ADGRG3: variants seen among roughly 807,000 people sequenced by gnomAD.
ADGRG3 encodes G protein-coupled receptor 97.
ADGRG3 carries 39 observed loss-of-function variants against 54.3 expected under a neutral mutation model. The ratio of observed to expected loss-of-function variants is 0.72; its 90% CI spans 0.56 to 0.94. The LOEUF is 0.94. ADGRG3 is among the 40% of genes least tolerant of loss of function. The pLI is 0.00. For synonymous variants in ADGRG3, 312 were observed against 290.0 expected, an observed-to-expected ratio of 1.08 and a Z score of -0.77; for missense variants, 654 against 694.6, an observed-to-expected ratio of 0.94 and a Z score of 0.66.
chr16:57,669,785 C>T (rs2048119823), intron 1 of ADGRG3, among the ~76,000 whole-genome samples: 1 of 152,230 alleles, frequency 6.6e-6, no homozygotes, highest in Non-Finnish European at 1.5e-5. Context: ...AAAAGGCTCA[C>T]AGTCTGCAGG....
intron 4 of ADGRG3, chr16:57,678,894 GC>G (rs560120035): frequency 6.6e-5 from 32 of 484,730 alleles, no homozygotes; most frequent in Non-Finnish European, 1.1e-4. Flanking sequence ...TTGGCCCCAT[GC>G]CCCCTCTAGT....
intron 1 of ADGRG3, among the ~76,000 whole-genome samples, chr16:57,669,450 C>T (rs1010212996): frequency 3.9e-5 from 6 of 152,166 alleles, no homozygotes; most frequent in South Asian, 4.1e-4. Context: ...GATGAATGAA[C>T]GGAGCCACCG....
At chr16:57,671,009 GA>G (rs1240820424) in intron 1 of ADGRG3, among the ~76,000 whole-genome samples, 1 of 152,106 alleles carries the variant, frequency 6.6e-6, no homozygotes, top group Non-Finnish European at 1.5e-5. Context: ...GTGGCAATCC[GA>G]AAAGTGACAA....
At chr16:57,673,491 A>C in intron 2 of ADGRG3, 23 bp downstream of exon 2, 32 of 1,586,014 alleles carry the variant, frequency 2.0e-5, no homozygotes, top group Non-Finnish European at 2.7e-5. Context: ...CCTGAGCTGG[A>C]GGGGGAATCT....
chr16:57,686,407 T>TGAGGATCCGCTCC (rs141011757), intron 11 of ADGRG3, among the ~76,000 whole-genome samples: 5,471 of 152,142 alleles, frequency 0.036, 338 homozygotes, highest in African/African-American at 0.12. Context: ...AAGCCATGCA[T>TGAGGATCCGCTCC]GAGGATCCGC....
rs1184753826 is a variant in ADGRG3, at chr16:57,678,156, G to A, written c.346-14G>A. 3 of 1,613,738 alleles carry A rather than the reference G, an allele frequency of 1.9e-6. No homozygotes were observed. Among genetic ancestry groups the A allele is most frequent in the Non-Finnish European group, 2.5e-6 (3 of 1,179,808 alleles). ...GGTGGGTACAGATGGGAGCTGCTGT[G>A]TCTGTGGTTGTAGGTTCCGAGGCAG... On this transcript the variant is annotated splice_polypyrimidine_tract_variant and intron_variant, in intron 3 of 11. Coordinates refer to ENST00000333493, the MANE Select transcript of ADGRG3 (RefSeq NM_170776.5).
chr16:57,681,586 C>T (rs779893432), intron 8 of ADGRG3, among the ~76,000 whole-genome samples: 5 of 151,866 alleles, frequency 3.3e-5, no homozygotes, highest in Admixed American at 6.6e-5. Context: ...GTTAGCTGGG[C>T]GTGGTGGTGC....
chr16:57,671,008 C>T (rs1225269872), intron 1 of ADGRG3, among the ~76,000 whole-genome samples: 4 of 152,048 alleles, frequency 2.6e-5, no homozygotes, highest in Non-Finnish European at 4.4e-5. Flanking sequence ...GGTGGCAATC[C>T]GAAAAGTGAC....
At position 57,676,259 on chromosome 16, in the gene ADGRG3, C is replaced by T. The variant is rs200726678; in HGVS notation, c.266C>T (p.Thr89Met). ...GAAGGTTTGACGCAGAAGGTGAACA[C>T]GCCTTTCCTGAAGGCTTTGGTCCAG... ...MKEGLTQKVNTPFLKALVQNL... is the reference protein window; with the variant it reads ...MKEGLTQKVNMPFLKALVQNL... The change falls in exon 3 of 12, where the codon ACG (threonine) becomes ATG (methionine). Residue 89 changes from threonine (T) to methionine (M), a missense_variant. Physicochemically the swap from Thr to Met is moderately conservative, Grantham distance 81. Transcript: ENST00000333493. 349 of 1,614,026 alleles carry T rather than the reference C, an allele frequency of 2.2e-4. 1 individual carries two copies. The highest frequency in any genetic ancestry group is 1.6e-4 in the Middle Eastern group (1 of 6,062).
chr16:57,679,820 T>A lies in ADGRG3; in HGVS notation c.632T>A (p.Met211Lys). The A allele has an allele frequency of 1.9e-6, 3 of 1,612,294 alleles. No individual in the cohort carries two copies. Among genetic ancestry groups the A allele is most frequent in the Non-Finnish European group, 1.7e-6 (2 of 1,178,704 alleles). ...ACTTCCACTCTTCGGTTTCAGAACA[T>A]GACCCTCACCTGTGTATTCTGGGAT... is the stretch of plus-strand genomic sequence containing the variant. ...VFSHQRPPPN[M>K]TLTCVFWDVT... is the part of the protein sequence containing the mutation. Residue 211 changes from methionine to lysine, a missense_variant, in exon 6 of 12, where the codon ATG (methionine) becomes AAG (lysine). By Grantham distance (95) the Met-to-Lys change is moderately conservative. Transcript: ENST00000333493.
In ADGRG3 at chr16:57,689,185, A is replaced by G. The variant is rs2048525322; in HGVS notation, c.*724A>G. 1 of 153,558 alleles carries G rather than the reference A, an allele frequency of 6.5e-6. No homozygotes were observed. The highest frequency in any genetic ancestry group is 1.4e-5 in the Non-Finnish European group (1 of 69,030). The allele number at this position is 153,558 out of a possible 1,614,324, so 9.5% of individuals were successfully genotyped here. On this transcript the variant is annotated 3_prime_UTR_variant, in exon 12 of 12. Transcript: ENST00000333493. ...TCATCGTAGAGGTAGAAAGCAAACA[A>G]TCTGGGGCTCAGCACACCTGGGGGT...
intron 11 of ADGRG3, 104 bp downstream of exon 11, chr16:57,686,030 G>A: frequency 8.6e-7 from 1 of 1,163,588 alleles, no homozygotes; most frequent in South Asian, 1.4e-5. Flanking sequence ...CTCTGTTCAG[G>A]CTAGCTGAAG....
chr16:57,668,186 C>A, upstream of ADGRG3: 1 of 629,788 alleles, frequency 1.6e-6, no homozygotes, highest in Non-Finnish European at 2.8e-6. Flanking sequence ...ACTCACCTTT[C>A]ACAACCCAAC....
chr16:57,669,204 A>T (rs2048107899), intron 1 of ADGRG3, among the ~76,000 whole-genome samples: 2 of 151,438 alleles, frequency 1.3e-5, no homozygotes, highest in African/African-American at 4.9e-5. Context: ...TTTGCTCCTG[A>T]CTCGGTGAGG....
intron 11 of ADGRG3, among the ~76,000 whole-genome samples, chr16:57,687,249 GC>G (rs1315067893): frequency 2.2e-5 from 3 of 135,528 alleles, no homozygotes; most frequent in African/African-American, 5.6e-5. Flanking sequence ...TATCTCACCA[GC>G]TTTTTTTTTT....
upstream of ADGRG3, among the ~76,000 whole-genome samples, chr16:57,667,725 G>A (rs1226024836): frequency 6.6e-6 from 1 of 152,178 alleles, no homozygotes; most frequent in Admixed American, 6.5e-5. Flanking sequence ...TATCCAGGCT[G>A]GTGGGGGAAG....
At chr16:57,667,868 A>G (rs761657448), upstream of ADGRG3, among the ~76,000 whole-genome samples, 6 of 152,108 alleles carry the variant, frequency 3.9e-5, no homozygotes, top group Middle Eastern at 3.2e-3. Flanking sequence ...GTCTCATCAA[A>G]CCCTGACACA....
intron 9 of ADGRG3, 37 bp from the exon 10 acceptor site, chr16:57,684,353 G>A (rs2048432740): frequency 6.3e-7 from 1 of 1,586,666 alleles, no homozygotes; most frequent in East Asian, 2.2e-5. Flanking sequence ...GTGCCAGTAA[G>A]CCCCAGTGGT....
intron 7 of ADGRG3, 52 bp from the exon 8 acceptor site, chr16:57,680,453 A>T: frequency 6.4e-7 from 1 of 1,571,076 alleles, no homozygotes; most frequent in Non-Finnish European, 8.8e-7. Flanking sequence ...GTCTTTGGGT[A>T]TATGGGCCTG....
Sources: allele counts gnomAD v4.1 joint callset (sites outside exome capture counted in the v4.1 genomes callset), GRCh38; gene constraint gnomAD v4.1.1; transcripts MANE v1.5; gene names NCBI Gene and HGNC (gene_info 2026-07-23, HGNC 2026-07-21).